Variants in SYT14 observed in about 807,000 individuals in gnomAD.
The protein encoded by SYT14 is synaptotagmin-14.
Under a neutral mutation model 74.2 loss-of-function variants are expected in SYT14, and 32 were observed. The ratio of observed to expected loss-of-function variants is 0.43; its 90% CI spans 0.33 to 0.58. SYT14 has a LOEUF of 0.58. SYT14 is among the 20% of genes least tolerant of loss of function. The probability of loss-of-function intolerance (pLI) is 0.05; values close to 1 mark genes in which losing one functional copy is unlikely to be tolerated. For missense variants in SYT14, 791 were observed against 981.8 expected, an observed-to-expected ratio of 0.81 and a Z score of 2.60; for synonymous variants, 298 against 337.7, an observed-to-expected ratio of 0.88 and a Z score of 1.29.
intron 7 of SYT14, among the ~76,000 whole-genome samples, chr1:210,153,116 G>A (rs1409110952): frequency 6.6e-6 from 1 of 151,994 alleles, no homozygotes; most frequent in African/African-American, 2.4e-5. Flanking sequence ...TATTTCTGAT[G>A]GGTATATATG....
intron 7 of SYT14, among the ~76,000 whole-genome samples, chr1:210,107,682 C>T (rs1022958660): frequency 5.3e-5 from 8 of 152,042 alleles, no homozygotes; most frequent in Non-Finnish European, 8.8e-5. Flanking sequence ...TAAAGTTCAA[C>T]TATTCATTTT....
chr1:210,148,411 A>T (rs895071032), intron 7 of SYT14, among the ~76,000 whole-genome samples: 3 of 151,784 alleles, frequency 2.0e-5, no homozygotes, highest in Admixed American at 1.3e-4. Flanking sequence ...CAGGAGGCTG[A>T]GGCAGGAGAA....
At position 209,951,656 on chromosome 1, in the gene SYT14, T is replaced by C. The variant is rs141794948; in HGVS notation, c.-533-1053T>C. Among the ~76,000 whole-genome samples the C allele has an allele frequency of 2.0e-5, 3 of 152,264 alleles. No individual in the cohort carries two copies. In the East Asian group the frequency reaches 5.8e-4, roughly 29 times the overall value. On this transcript the variant is annotated intron_variant, in intron 1 of 9. Coordinates refer to ENST00000637265, the Ensembl canonical transcript of SYT14. The stretch of plus-strand genomic sequence containing the variant: ...ATGTGGGAAACAGAGACATATGTTA[T>C]ATAAAAAGGTTCATAGCAAAATTAG...
At chr1:210,022,030 A>G (rs2080313825) in intron 5 of SYT14, among the ~76,000 whole-genome samples, 1 of 152,218 alleles carries the variant, frequency 6.6e-6, no homozygotes, top group Non-Finnish European at 1.5e-5. Flanking sequence ...AATAGAATGT[A>G]TGGCTACTCA....
intron 1 of SYT14, among the ~76,000 whole-genome samples, chr1:209,948,068 C>A (rs2078850363): frequency 6.6e-6 from 1 of 152,156 alleles, no homozygotes; most frequent in South Asian, 2.1e-4. Context: ...GTAAACATAA[C>A]TTTTGTATGC....
At chr1:210,126,760 T>C (rs991203294) in intron 7 of SYT14, among the ~76,000 whole-genome samples, 5 of 152,226 alleles carry the variant, frequency 3.3e-5, no homozygotes, top group African/African-American at 1.2e-4. Flanking sequence ...GAAAAAGTGC[T>C]GAATTCTCTC....
chr1:210,109,601 AC>A (rs1420490176), intron 7 of SYT14, among the ~76,000 whole-genome samples: 1 of 151,216 alleles, frequency 6.6e-6, no homozygotes, highest in Admixed American at 6.6e-5. Context: ...GAGAGAAAAA[AC>A]AAAACAACAA....
chr1:210,020,855 A>G (rs1232303962), intron 4 of SYT14, among the ~76,000 whole-genome samples, 184 bp from the exon 4 acceptor site: 3 of 142,792 alleles, frequency 2.1e-5, no homozygotes, highest in African/African-American at 9.3e-5. Context: ...TGTATAATAT[A>G]TATGTGTGTG....
intron 2 of SYT14, among the ~76,000 whole-genome samples, chr1:209,957,985 T>A (rs928384081): frequency 2.6e-5 from 4 of 152,172 alleles, no homozygotes; most frequent in Non-Finnish European, 5.9e-5. Flanking sequence ...TTTTGAGCTG[T>A]TTTGGGGAAA....
chr1:210,077,617 G>C (rs2081528843), intron 5 of SYT14, among the ~76,000 whole-genome samples: 1 of 152,114 alleles, frequency 6.6e-6, no homozygotes, highest in South Asian at 2.1e-4. Flanking sequence ...AAATGTACAA[G>C]TCAAATTGCA....
intron 7 of SYT14, among the ~76,000 whole-genome samples, chr1:210,143,364 GC>G (rs2102677924): frequency 6.6e-6 from 1 of 152,190 alleles, no homozygotes; most frequent in South Asian, 2.1e-4. Flanking sequence ...TCTATATTTT[GC>G]TAATTTTTCA....
intron 5 of SYT14, among the ~76,000 whole-genome samples, chr1:210,083,520 G>A (rs902458951): frequency 5.9e-5 from 9 of 152,092 alleles, no homozygotes; most frequent in Non-Finnish European, 1.2e-4. Flanking sequence ...TCAAACGATC[G>A]TCTTTTAGTA....
intron 7 of SYT14, among the ~76,000 whole-genome samples, chr1:210,140,649 A>G (rs963073385): frequency 2.0e-5 from 3 of 152,086 alleles, no homozygotes. Context: ...TAAATTTAGG[A>G]CTATGATCCA....
intron 5 of SYT14, among the ~76,000 whole-genome samples, chr1:210,049,196 T>C (rs1287355314): frequency 1.3e-5 from 2 of 152,260 alleles, no homozygotes; most frequent in African/African-American, 4.8e-5. Context: ...ACAGTGGCCC[T>C]TTTCTCACAG....
intron 5 of SYT14, among the ~76,000 whole-genome samples, chr1:210,045,264 T>C (rs1015342856): frequency 1.3e-5 from 2 of 152,330 alleles, no homozygotes; most frequent in South Asian, 2.1e-4. Flanking sequence ...AACTAAGATC[T>C]GTTTATTCAT....
chr1:209,960,983 A>G (rs1275541380), intron 2 of SYT14, among the ~76,000 whole-genome samples: 2 of 152,134 alleles, frequency 1.3e-5, no homozygotes, highest in Non-Finnish European at 2.9e-5. Flanking sequence ...ACTTATGGCA[A>G]TTAAGGGAAT....
At chr1:210,054,893 C>G (rs578018046) in intron 5 of SYT14, among the ~76,000 whole-genome samples, 129 of 152,250 alleles carry the variant, frequency 8.5e-4, no homozygotes, top group Non-Finnish European at 1.0e-3. Context: ...GAGTGCTTAT[C>G]CCTGTTTCCT....
At chr1:209,955,845 C>T (rs2078983671) in intron 2 of SYT14, among the ~76,000 whole-genome samples, 1 of 152,060 alleles carries the variant, frequency 6.6e-6, no homozygotes, top group Non-Finnish European at 1.5e-5. Context: ...GTTCAAAATT[C>T]CTTTCTATCT....
intron 2 of SYT14, among the ~76,000 whole-genome samples, chr1:209,989,296 A>G (rs1431163195): frequency 6.6e-6 from 1 of 152,220 alleles, no homozygotes. Context: ...GAGACTGGGA[A>G]ATTACACAGG....
Sources: gnomAD v4.1 joint callset for allele counts (sites outside exome capture counted in the v4.1 genomes callset) on GRCh38, gnomAD v4.1.1 for gene constraint, MANE v1.5 for transcripts, NCBI Gene and HGNC (gene_info 2026-07-23, HGNC 2026-07-21) for gene names.